Variants in MEI1 observed in about 807,000 individuals in gnomAD.
The protein encoded by MEI1 is meiosis inhibitor protein 1.
MEI1 carries 103 observed loss-of-function variants against 146.2 expected under a neutral mutation model. The observed-to-expected ratio is 0.70, with a 90% confidence interval of 0.60 to 0.83. The LOEUF (loss-of-function observed/expected upper bound fraction) is 0.83. Among genes scored for constraint, MEI1 ranks in the 40% least tolerant of loss-of-function variants. The probability of loss-of-function intolerance (pLI) is 0.00; values close to 1 mark genes in which losing one functional copy is unlikely to be tolerated. For synonymous variants in MEI1, 652 were observed against 628.2 expected (o/e 1.04, Z -0.57); for missense variants, 1,529 against 1,533.0 (o/e 1.00, Z 0.04).
chr22:41,771,907 G>A (rs2075202264), intron 20 of MEI1, among the ~76,000 whole-genome samples: 1 of 152,170 alleles, frequency 6.6e-6, no homozygotes, highest in Non-Finnish European at 1.5e-5. Context: ...TATAAATTAT[G>A]ACCCATTGAA....
intron 18 of MEI1, among the ~76,000 whole-genome samples, chr22:41,760,068 G>C (rs959212124): frequency 3.9e-5 from 6 of 152,046 alleles, no homozygotes; most frequent in African/African-American, 1.4e-4. Context: ...CCAGCTCTTT[G>C]GGAGGCCGAG....
chr22:41,712,671 G>T (rs1487703687), intron 3 of MEI1, among the ~76,000 whole-genome samples: 2 of 56,212 alleles, frequency 3.6e-5, no homozygotes, highest in Non-Finnish European at 7.1e-5. Flanking sequence ...AATAGAAATA[G>T]ATGTGTGTGT....
intron 11 of MEI1, among the ~76,000 whole-genome samples, chr22:41,739,896 G>A (rs1452710079): frequency 1.3e-5 from 2 of 152,190 alleles, no homozygotes; most frequent in Non-Finnish European, 2.9e-5. Context: ...TGCTCAGGGT[G>A]CAGTAGCCAG....
intron 22 of MEI1, among the ~76,000 whole-genome samples, chr22:41,779,260 A>C (rs1020464291): frequency 3.9e-5 from 6 of 152,094 alleles, no homozygotes; most frequent in African/African-American, 1.4e-4. Flanking sequence ...CAGCCTTGGC[A>C]ACATGGTGAA....
intron 22 of MEI1, 64 bp downstream of exon 22, chr22:41,778,876 A>G (rs777436212): frequency 2.3e-5 from 27 of 1,163,908 alleles, no homozygotes; most frequent in Non-Finnish European, 2.9e-5. Context: ...GGTGCTCACT[A>G]AGTAGGCTGG....
Position 41,794,373 on chromosome 22 carries a change from C to G in MEI1, c.3430C>G (p.Leu1144Val), listed in dbSNP as rs1354799810. Residue 1144 changes from leucine to valine, a missense_variant and splice_region_variant, in exon 28 of 31, where the codon CTC becomes GTC. Around this residue, in one of 3 missense-constraint regions of MEI1, gnomAD observed 313 missense variants for 337.3 expected, o/e 0.93. Coordinates refer to ENST00000401548, the MANE Select transcript of MEI1 (RefSeq NM_152513.4). Reference sequence around the variant, plus strand: ...TAACAACCCAGTGTTTCTTGAAGCTCTCCACGTGGCCTCCCAGCCTTGGAA... The same window carrying G: ...TAACAACCCAGTGTTTCTTGAAGCTGTCCACGTGGCCTCCCAGCCTTGGAA... ...YLDARSPDIA[L>V]HVASQPWNRF... The G allele has an allele frequency of 1.2e-6, 2 of 1,613,626 alleles. No individual in the cohort carries two copies. The highest frequency in any genetic ancestry group is 8.5e-7 in the Non-Finnish European group (1 of 1,179,664).
In MEI1 at chr22:41,763,286, G is replaced by A. The variant is rs776635521; in HGVS notation, c.2233G>A (p.Ala745Thr). The A allele has an allele frequency of 1.2e-6, 2 of 1,613,834 alleles. No homozygotes were observed. Among genetic ancestry groups the A allele is most frequent in the Admixed American group, 3.3e-5 (2 of 59,996 alleles). The change falls in exon 19 of 31, where the codon GCA (alanine) becomes ACA (threonine). Residue 745 changes from alanine (A) to threonine (T), a missense_variant. Ala to Thr is a moderately conservative substitution (Grantham distance 58). This residue lies in a region of MEI1 where 1,212 missense variants were observed against 1,178.9 expected (regional missense o/e 1.03). Coordinates refer to ENST00000401548, the MANE Select transcript of MEI1 (RefSeq NM_152513.4). ...VVFKASIYLL[A>T]ICQDKDNTLR... ...CTTCAAAGCCTCCATCTATCTGCTT[G>A]CAATCTGCCAGGACAAAGACAATAC...
Position 41,724,057 on chromosome 22 carries a change from C to T in MEI1, c.848C>T (p.Pro283Leu), listed in dbSNP as rs1285241662. Residue 283 changes from proline to leucine, a missense_variant, in exon 7 of 31, where the codon CCT becomes CTT. Pro to Leu is a moderately conservative substitution (Grantham distance 98). Around this residue, in one of 3 missense-constraint regions of MEI1, gnomAD observed 1,212 missense variants for 1,178.9 expected, o/e 1.03. Transcript: ENST00000401548. The part of the protein sequence containing the change: ...IEGSSGNTSL[P>L]LVLKKLLLSR... Reference sequence around the variant, plus strand: ...GGGTCATCAGGAAATACCTCACTGCCTTTGGTGCTCAAAAAGGTAGTTGTC... The same window carrying T: ...GGGTCATCAGGAAATACCTCACTGCTTTTGGTGCTCAAAAAGGTAGTTGTC... The T allele has an allele frequency of 1.9e-6, 3 of 1,613,760 alleles. No individual in the cohort carries two copies. The highest frequency in any genetic ancestry group is 2.5e-6 in the Non-Finnish European group (3 of 1,179,850).
chr22:41,760,373 G>A (rs1193994428), intron 18 of MEI1, among the ~76,000 whole-genome samples: 1 of 151,944 alleles, frequency 6.6e-6, no homozygotes, highest in Non-Finnish European at 1.5e-5. Context: ...TCCGGGCGTG[G>A]TGGCAGGCGC....
At chr22:41,716,188 G>C in intron 5 of MEI1, 42 bp downstream of exon 5, 1 of 1,369,890 alleles carries the variant, frequency 7.3e-7, no homozygotes, top group Non-Finnish European at 1.0e-6. Flanking sequence ...CCTTTTACCT[G>C]CTTTTATCAT....
At chr22:41,757,724 G>A (rs1301082974) in intron 17 of MEI1, among the ~76,000 whole-genome samples, 1 of 152,086 alleles carries the variant, frequency 6.6e-6, no homozygotes, top group Non-Finnish European at 1.5e-5. Context: ...CTGATCACAT[G>A]TCCTGCAATT....
intron 6 of MEI1, among the ~76,000 whole-genome samples, chr22:41,720,745 T>C (rs1342171118): frequency 2.0e-5 from 3 of 151,682 alleles, no homozygotes; most frequent in Non-Finnish European, 4.4e-5. Flanking sequence ...TACAGGCGCC[T>C]GCCACCATGC....
Position 41,778,693 on chromosome 22 carries a change from C to T in MEI1, c.2711-15C>T. 6.3e-7 allele frequency: 1 copy of T among 1,584,396 alleles called. No individual in the cohort carries two copies. The highest frequency in any genetic ancestry group is 8.6e-7 in the Non-Finnish European group (1 of 1,164,258). ...AGCATCAGGCTTCTTGCCCAGTCCT[C>T]CTTGTTCTTCACAGCCTCGGGGAAC... is the stretch of plus-strand genomic sequence containing the variant. On this transcript the variant is annotated splice_polypyrimidine_tract_variant and intron_variant, in intron 21 of 30. Coordinates refer to ENST00000401548, the MANE Select transcript of MEI1 (RefSeq NM_152513.4).
intron 26 of MEI1, among the ~76,000 whole-genome samples, chr22:41,785,391 T>C (rs921179233): frequency 1.3e-5 from 2 of 151,454 alleles, no homozygotes; most frequent in Non-Finnish European, 2.9e-5. Context: ...GCCTCCCGAG[T>C]AGCTGGGACT....
rs1417146390 is a variant in MEI1 at position 41,753,856 on chromosome 22, AAGC to A, written c.1854-90_1854-88del. On this transcript the variant is annotated intron_variant, in intron 16 of 30. Coordinates refer to ENST00000401548, the MANE Select transcript of MEI1 (RefSeq NM_152513.4). Reference sequence around the variant, plus strand: ...TAGAATTTCACTAGCCTCTGGCACAAAGCAGTGGTGCCCAGGCATATGGCAGGG... The same window carrying A: ...TAGAATTTCACTAGCCTCTGGCACAAAGTGGTGCCCAGGCATATGGCAGGG... 1.3e-5 allele frequency: 12 copies of A among 892,598 alleles called. No homozygotes were observed. In the East Asian group the frequency reaches 2.7e-4, roughly 20 times the overall value. The allele number at this position is 892,598 out of a possible 1,614,324, so 55.3% of individuals were successfully genotyped here. A position where few individuals can be genotyped will look rare whatever the true frequency, so the allele number is the denominator to read the frequency against.
intron 3 of MEI1, among the ~76,000 whole-genome samples, chr22:41,710,264 T>G (rs943523214): frequency 6.6e-6 from 1 of 152,194 alleles, no homozygotes; most frequent in Non-Finnish European, 1.5e-5. Context: ...GCTGACACTT[T>G]GATCTTGGGC....
At chr22:41,778,467 T>C (rs951271523) in intron 21 of MEI1, among the ~76,000 whole-genome samples, 1 of 152,226 alleles carries the variant, frequency 6.6e-6, no homozygotes, top group South Asian at 2.1e-4. Context: ...ACATTTTGTT[T>C]AGTGGGATTA....
At chr22:41,744,947 G>A (rs971221418) in intron 12 of MEI1, 26 bp from the exon 13 acceptor site, 4 of 1,453,254 alleles carry the variant, frequency 2.8e-6, no homozygotes, top group African/African-American at 1.4e-5. Context: ...TGATCACTAG[G>A]TTCCTGTCTC....
chr22:41,767,192 C>A (rs923615306), intron 19 of MEI1, among the ~76,000 whole-genome samples: 30 of 152,154 alleles, frequency 2.0e-4, no homozygotes, highest in African/African-American at 7.0e-4. Flanking sequence ...ATGTCACCTT[C>A]TTTATGTGGT....
Sources: gnomAD v4.1 joint callset for allele counts (sites outside exome capture counted in the v4.1 genomes callset) on GRCh38, gnomAD v4.1.1 for gene constraint, gnomAD v4.1.1 regional missense constraint, MANE v1.5 for transcripts, NCBI Gene and HGNC (gene_info 2026-07-23, HGNC 2026-07-21) for gene names.